The following OR6N1 variants were observed in gnomAD, a reference collection of about 807,000 sequenced individuals.
OR6N1 encodes the protein olfactory receptor 6N1.
For synonymous variants in OR6N1, 170 were observed against 150.7 expected, an observed-to-expected ratio of 1.13 and a Z score of -0.94; for missense variants, 394 against 371.7, an observed-to-expected ratio of 1.06 and a Z score of -0.49.
At chr1:158,827,693 T>C in the OR6N1 span, among the ~76,000 whole-genome samples, 1 of 152,082 alleles carries the variant, frequency 6.6e-6, no homozygotes, top group Non-Finnish European at 1.5e-5. Flanking sequence ...AAATAAATAT[T>C]TGGGAAATAT....
At chr1:158,801,746 G>A in the OR6N1 span, among the ~76,000 whole-genome samples, 1 of 152,172 alleles carries the variant, frequency 6.6e-6, no homozygotes, top group Non-Finnish European at 1.5e-5. Context: ...TGGATATGGA[G>A]TTGGGTGGTC....
chr1:158,838,622 TC>T, the OR6N1 span, among the ~76,000 whole-genome samples: 798 of 152,264 alleles, frequency 5.2e-3, 14 homozygotes, highest in East Asian at 0.024. Flanking sequence ...GTACATTTAG[TC>T]TTTTCTCAAA....
At chr1:158,787,620 A>ATCTCTCTCTCTCTCTC in the OR6N1 span, among the ~76,000 whole-genome samples, 1 of 122,642 alleles carries the variant, frequency 8.2e-6, no homozygotes, top group Non-Finnish European at 1.7e-5. Context: ...CTATCTCTCT[A>ATCTCTCTCTCTCTCTC]TCTCTCTCTC....
chr1:158,801,636 T>C, the OR6N1 span, among the ~76,000 whole-genome samples: 1 of 152,160 alleles, frequency 6.6e-6, no homozygotes, highest in Admixed American at 6.5e-5. Context: ...TTCTCCTTTC[T>C]TTACTTCAAC....
At chr1:158,813,697 C>CTTTTT in the OR6N1 span, among the ~76,000 whole-genome samples, 36 of 78,622 alleles carry the variant, frequency 4.6e-4, no homozygotes, top group African/African-American at 1.1e-3. Flanking sequence ...TATGTATGGT[C>CTTTTT]TTTTTTTTTT....
the OR6N1 span, among the ~76,000 whole-genome samples, chr1:158,820,883 A>T: frequency 6.6e-6 from 1 of 152,234 alleles, no homozygotes; most frequent in Admixed American, 6.5e-5. Flanking sequence ...AAATGTTTCA[A>T]CGTATGCATA....
chr1:158,818,140 T>C, the OR6N1 span, among the ~76,000 whole-genome samples: 1 of 152,334 alleles, frequency 6.6e-6, no homozygotes, highest in African/African-American at 2.4e-5. Flanking sequence ...CTACTTTCTT[T>C]ATATTTCTTT....
At chr1:158,810,673 A>G in the OR6N1 span, among the ~76,000 whole-genome samples, 1 of 152,208 alleles carries the variant, frequency 6.6e-6, no homozygotes. Context: ...CAACTCGTAT[A>G]TCCTTGTGTA....
At chr1:158,790,820 C>A in the OR6N1 span, among the ~76,000 whole-genome samples, 7 of 152,156 alleles carry the variant, frequency 4.6e-5, no homozygotes, top group Non-Finnish European at 1.0e-4. Context: ...CCACCAAAAT[C>A]TCATCTTAAA....
the OR6N1 span, among the ~76,000 whole-genome samples, chr1:158,825,431 T>A: frequency 1.3e-5 from 2 of 148,228 alleles, no homozygotes; most frequent in African/African-American, 2.5e-5. Flanking sequence ...AGAGTGAGAT[T>A]CCATCTCAAA....
the OR6N1 span, among the ~76,000 whole-genome samples, chr1:158,807,211 C>T: frequency 2.0e-5 from 3 of 151,884 alleles, no homozygotes; most frequent in Non-Finnish European, 4.4e-5. Flanking sequence ...AATTTTATTA[C>T]GTAAATATTG....
the OR6N1 span, among the ~76,000 whole-genome samples, chr1:158,817,100 G>A: frequency 6.6e-6 from 1 of 152,188 alleles, no homozygotes. Flanking sequence ...GGTATGAAAA[G>A]GGTCAAAGAG....
At chr1:158,822,560 G>A in the OR6N1 span, among the ~76,000 whole-genome samples, 2 of 152,158 alleles carry the variant, frequency 1.3e-5, no homozygotes, top group South Asian at 4.1e-4. Context: ...TTTGTATACT[G>A]AAATTTTTCT....
the OR6N1 span, among the ~76,000 whole-genome samples, chr1:158,794,108 A>G: frequency 2.0e-5 from 3 of 152,224 alleles, no homozygotes; most frequent in East Asian, 5.8e-4. Context: ...TCCTATGGGG[A>G]TGTGTCACAT....
chr1:158,815,534 A>G, the OR6N1 span, among the ~76,000 whole-genome samples: 3 of 152,160 alleles, frequency 2.0e-5, no homozygotes, highest in Non-Finnish European at 4.4e-5. Flanking sequence ...TATACACAGG[A>G]TGCTCCAGGG....
upstream of OR6N1, among the ~76,000 whole-genome samples, chr1:158,772,630 C>T (rs2102011298): frequency 6.6e-6 from 1 of 152,300 alleles, no homozygotes; most frequent in South Asian, 2.1e-4. Context: ...TCAAGACCGA[C>T]TCCTAATCTT....
chr1:158,828,620 GT>G, the OR6N1 span, among the ~76,000 whole-genome samples: 1 of 152,226 alleles, frequency 6.6e-6, no homozygotes, highest in African/African-American at 2.4e-5. Flanking sequence ...GGCATTGAGT[GT>G]CTGTGGCTTT....
At chr1:158,767,055 C>G (rs1657294453) in intron 1 of OR6N1, among the ~76,000 whole-genome samples, 3 of 152,270 alleles carry the variant, frequency 2.0e-5, no homozygotes, top group South Asian at 4.1e-4. Context: ...TATTGTTCAT[C>G]TAAGGTAAAA....
the OR6N1 span, among the ~76,000 whole-genome samples, chr1:158,779,405 T>C: frequency 6.6e-6 from 1 of 152,176 alleles, no homozygotes; most frequent in Non-Finnish European, 1.5e-5. Flanking sequence ...ATTAAAAGTA[T>C]TCAATAAGAT....
Sources: allele counts gnomAD v4.1 joint callset (sites outside exome capture counted in the v4.1 genomes callset), GRCh38; gene constraint gnomAD v4.1.1; transcripts MANE v1.5; gene names NCBI Gene and HGNC (gene_info 2026-07-23, HGNC 2026-07-21).